SPATA31D1: variants seen among roughly 807,000 people sequenced by gnomAD.
The protein encoded by SPATA31D1 is SPATA31 subfamily D member 1, also known as spermatogenesis-associated protein 31D1.
SPATA31D1 carries 6 observed loss-of-function variants against 13.2 expected under a neutral mutation model. That is an observed-to-expected ratio of 0.46 (90% CI 0.25 to 0.90). The LOEUF (loss-of-function observed/expected upper bound fraction) is 0.90, where lower values mean the gene tolerates loss of function less well. Ranked by LOEUF, SPATA31D1 falls within the 40% of genes least tolerant of loss-of-function variation. The probability of loss-of-function intolerance (pLI) is 0.18; values close to 1 mark genes in which losing one functional copy is unlikely to be tolerated. For synonymous variants in SPATA31D1, 903 were observed against 718.8 expected (o/e 1.26, Z -4.10); for missense variants, 2,445 against 1,884.7 (o/e 1.30, Z -5.50).
upstream of SPATA31D1, chr9:81,988,641 A>G: frequency 1.1e-6 from 1 of 923,298 alleles, no homozygotes; most frequent in South Asian, 1.8e-5. Flanking sequence ...TAGAGGGCCC[A>G]GGAGAGTCAG....
chr9:81,995,092 C>G lies in SPATA31D1; in HGVS notation c.4622C>G (p.Ala1541Gly), dbSNP rs1303138187. 1.2e-6 allele frequency: 2 copies of G among 1,610,988 alleles called. No homozygotes were observed. Among genetic ancestry groups the G allele is most frequent in the South Asian group, 1.1e-5 (1 of 90,526 alleles). ...CRRQVSLVCP[A>G]VPTSAKSPVF... ...CGTCAGGTCAGCCTGGTGTGTCCAG[C>G]CGTCCCAACCAGTGCTAAAAGCCCT... Residue 1541 changes from alanine to glycine, a missense_variant, in exon 4 of 4, where the codon GCC (alanine) becomes GGC (glycine). Coordinates refer to ENST00000344803, the MANE Select transcript of SPATA31D1 (RefSeq NM_001001670.3).
At position 81,993,520 on chromosome 9, in the gene SPATA31D1, C is replaced by G; in HGVS notation, c.3050C>G (p.Ser1017Cys). 1 of 1,613,548 alleles carries G rather than the reference C, an allele frequency of 6.2e-7. No individual in the cohort carries two copies. Among genetic ancestry groups the G allele is most frequent in the Non-Finnish European group, 8.5e-7 (1 of 1,179,794 alleles). ...DTDHDLIETD[S>C]KDGASTSLRR... ...GACCATGACCTTATAGAGACAGATT[C>G]CAAAGACGGGGCCTCCACATCCCTT... The change falls in exon 4 of 4, where the codon TCC (serine) becomes TGC (cysteine). Residue 1017 changes from serine (S) to cysteine (C), a missense_variant. By Grantham distance (112) the Ser-to-Cys change is moderately radical (BLOSUM62 -1). Coordinates refer to ENST00000344803, the MANE Select transcript of SPATA31D1 (RefSeq NM_001001670.3).
In SPATA31D1 at chr9:81,992,515, AG is replaced by A. The variant is rs752509724; in HGVS notation, c.2047del (p.Val683Ter). The A allele has an allele frequency of 6.2e-7, 1 of 1,611,824 alleles. No individual in the cohort carries two copies. Among genetic ancestry groups the A allele is most frequent in the Non-Finnish European group, 8.5e-7 (1 of 1,179,730 alleles). On this transcript the variant is annotated frameshift_variant, in exon 4 of 4. Coordinates refer to ENST00000344803, the MANE Select transcript of SPATA31D1 (RefSeq NM_001001670.3). LOFTEE classifies it low-confidence loss of function (END_TRUNC). Reference protein sequence around the residue: ...IIPGDFPLSSEVRKKLEQHIR... With the variant: ...IIPGDFPLSSXVRKKLEQHIR... ...CCTGGAGATTTTCCACTCAGCTCTG[AG>A]GTAAGGAAGAAACTAGAGCAACACA...
In SPATA31D1 at chr9:81,988,896, C is replaced by T. The variant is rs1487227468; in HGVS notation, c.78C>T (p.Asp26=). Residue 26 remains aspartate (D), a synonymous_variant, in exon 1 of 4, where the codon GAC becomes GAT. Transcript: ENST00000344803. ...LSPDSHWLDI[D]PNFICLSGLG... Reference sequence around the variant, plus strand: ...CTGACTCACATTGGTTGGATATCGACCCCAACTTCATCTGCTTGAGTGGGT... The same window carrying T: ...CTGACTCACATTGGTTGGATATCGATCCCAACTTCATCTGCTTGAGTGGGT... 1 of 1,612,876 alleles carries T rather than the reference C, an allele frequency of 6.2e-7. No individual in the cohort carries two copies. Among genetic ancestry groups the T allele is most frequent in the Admixed American group, 1.7e-5 (1 of 60,002 alleles).
rs762302026 is a variant in SPATA31D1 at position 81,990,998 on chromosome 9, C to A, written c.528C>A (p.Pro176=). 6.2e-7 allele frequency: 1 copy of A among 1,613,780 alleles called. No individual in the cohort carries two copies. The highest frequency in any genetic ancestry group is 1.7e-5 in the Admixed American group (1 of 60,018). Residue 176 remains proline, a synonymous_variant, in exon 4 of 4, where the codon CCC becomes CCA. Coordinates refer to ENST00000344803, the MANE Select transcript of SPATA31D1 (RefSeq NM_001001670.3). ...CATCGTTCACTCTGGCTTCCACCCC[C>A]TCAGCAACCCCTCCAGAAGACCTAA... ...TESSFTLAST[P]SATPPEDLIL...
rs748537115 is a variant in SPATA31D1 at position 81,994,404 on chromosome 9, G to A, written c.3934G>A (p.Gly1312Arg). ...GCTTGATGGAGGGGATGCAGGGCTG[G>A]GGACATCCCAACGCAGGAGAAAGAG... ...GELDGGDAGL[G>R]TSQRRRKSLP... The change falls in exon 4 of 4, where the codon GGG becomes AGG. Residue 1312 changes from glycine (G) to arginine (R), a missense_variant. By Grantham distance (125) the Gly-to-Arg change is moderately radical. Coordinates refer to ENST00000344803, the MANE Select transcript of SPATA31D1 (RefSeq NM_001001670.3). The A allele has an allele frequency of 1.9e-6, 3 of 1,613,896 alleles. No homozygotes were observed. Among genetic ancestry groups the A allele is most frequent in the South Asian group, 1.1e-5 (1 of 91,082 alleles).
rs772624869 is a variant in SPATA31D1, at chr9:81,993,527, CG to C, written c.3061del (p.Ala1021ProfsTer17). Reference sequence around the variant, plus strand: ...ACCTTATAGAGACAGATTCCAAAGACGGGGCCTCCACATCCCTTAGAAGAGG... The same window carrying C: ...ACCTTATAGAGACAGATTCCAAAGACGGGCCTCCACATCCCTTAGAAGAGG... ...HDLIETDSKD[G>X]ASTSLRRGTT... On this transcript the variant is annotated frameshift_variant, in exon 4 of 4. Transcript: ENST00000344803. LOFTEE classifies it low-confidence loss of function (END_TRUNC). 2 of 1,613,570 alleles carry C rather than the reference CG, an allele frequency of 1.2e-6. No individual in the cohort carries two copies. Among genetic ancestry groups the C allele is most frequent in the African/African-American group, 2.7e-5 (2 of 74,894 alleles).
chr9:81,989,709 AAT>A (rs1824914484), intron 1 of SPATA31D1, 67 bp from the exon 2 acceptor site: 3 of 1,498,178 alleles, frequency 2.0e-6, no homozygotes, highest in African/African-American at 1.4e-5. Flanking sequence ...TGAATGAATG[AAT>A]GAATGAGCTT....
At position 81,992,884 on chromosome 9, in the gene SPATA31D1, T is replaced by C. The variant is rs1440067264; in HGVS notation, c.2414T>C (p.Leu805Pro). The change falls in exon 4 of 4, where the codon CTA becomes CCA. Residue 805 changes from leucine to proline, a missense_variant. Transcript: ENST00000344803. ...CTGAGGTCTAACTCTGAGAGAGACC[T>C]AGAAACTCATATGATGCATCTGTCA... The part of the protein sequence containing the change: ...KDLRSNSERD[L>P]ETHMMHLSGN... 8 of 1,613,826 alleles carry C rather than the reference T, an allele frequency of 5.0e-6. No homozygotes were observed. The highest frequency in any genetic ancestry group is 6.8e-6 in the Non-Finnish European group (8 of 1,179,728).
Position 81,994,879 on chromosome 9 carries a change from G to T in SPATA31D1, c.4409G>T (p.Arg1470Leu), listed in dbSNP as rs201259774. 4 of 1,613,804 alleles carry T rather than the reference G, an allele frequency of 2.5e-6. No individual in the cohort carries two copies. Among genetic ancestry groups the T allele is most frequent in the Admixed American group, 3.3e-5 (2 of 59,994 alleles). Residue 1470 changes from arginine to leucine, a missense_variant, in exon 4 of 4, where the codon CGT (arginine) becomes CTT (leucine). Transcript: ENST00000344803. Reference sequence around the variant, plus strand: ...AGGGCTCCCTCCTGCAAAGTGACACGTACCAAATCTTGCAGCCAACAAGCT... The same window carrying T: ...AGGGCTCCCTCCTGCAAAGTGACACTTACCAAATCTTGCAGCCAACAAGCT... ...NYRAPSCKVT[R>L]TKSCSQQAIF...
At position 81,990,316 on chromosome 9, in the gene SPATA31D1, T is replaced by C. The variant is rs372419407; in HGVS notation, c.233-101T>C. The C allele has an allele frequency of 8.9e-5, 72 of 806,232 alleles. No homozygotes were observed. In the African/African-American group the frequency reaches 1.1e-3, roughly 13 times the overall value. The allele number at this position is 806,232 out of a possible 1,614,324, so 49.9% of individuals were successfully genotyped here. On this transcript the variant is annotated intron_variant, in intron 2 of 3. Transcript: ENST00000344803. ...TGACTATTTTCCCTTTTCTACTGAT[T>C]CTTGGGGCTCTCAGAGTTTAATATC...
Position 81,992,431 on chromosome 9 carries a change from C to A in SPATA31D1, c.1961C>A (p.Ala654Asp), listed in dbSNP as rs141219530. The change falls in exon 4 of 4, where the codon GCT becomes GAT. Residue 654 changes from alanine to aspartate, a missense_variant. By Grantham distance (126) the Ala-to-Asp change is moderately radical. Coordinates refer to ENST00000344803, the MANE Select transcript of SPATA31D1 (RefSeq NM_001001670.3). ...QKSQEDFCPP[A>D]PNPELVRKSF... Reference sequence around the variant, plus strand: ...TCCCAGGAAGACTTTTGTCCTCCAGCTCCCAATCCTGAATTGGTCAGAAAG... The same window carrying A: ...TCCCAGGAAGACTTTTGTCCTCCAGATCCCAATCCTGAATTGGTCAGAAAG... The A allele has an allele frequency of 1.9e-6, 3 of 1,613,002 alleles. No homozygotes were observed. In the South Asian group the frequency reaches 3.3e-5, roughly 18 times the overall value.
At position 81,992,176 on chromosome 9, in the gene SPATA31D1, A is replaced by T. The variant is rs186419676; in HGVS notation, c.1706A>T (p.Gln569Leu). 1 of 1,613,500 alleles carries T rather than the reference A, an allele frequency of 6.2e-7. No homozygotes were observed. Among genetic ancestry groups the T allele is most frequent in the African/African-American group, 1.3e-5 (1 of 74,834 alleles). ...CTACCCTTGCCTCAAACCCTGCCCCAAGGTCAGTCCCCACATCTCACTCAG... is the reference window on the plus strand; with the variant it reads ...CTACCCTTGCCTCAAACCCTGCCCCTAGGTCAGTCCCCACATCTCACTCAG... ...QPLPLPQTLPQGQSPHLTQVK... is the reference protein window; with the variant it reads ...QPLPLPQTLPLGQSPHLTQVK... Residue 569 changes from glutamine (Q) to leucine (L), a missense_variant, in exon 4 of 4, where the codon CAA becomes CTA. Transcript: ENST00000344803.
chr9:81,992,439 C>A lies in SPATA31D1; in HGVS notation c.1969C>A (p.Pro657Thr). 1 of 1,612,838 alleles carries A rather than the reference C, an allele frequency of 6.2e-7. No individual in the cohort carries two copies. The highest frequency in any genetic ancestry group is 8.5e-7 in the Non-Finnish European group (1 of 1,179,738). Reference sequence around the variant, plus strand: ...AGACTTTTGTCCTCCAGCTCCCAATCCTGAATTGGTCAGAAAGTCCTTCAA... The same window carrying A: ...AGACTTTTGTCCTCCAGCTCCCAATACTGAATTGGTCAGAAAGTCCTTCAA... ...QEDFCPPAPN[P>T]ELVRKSFKVH... The change falls in exon 4 of 4, where the codon CCT becomes ACT. Residue 657 changes from proline (P) to threonine (T), a missense_variant. By Grantham distance (38) the Pro-to-Thr change is conservative. Transcript: ENST00000344803.
chr9:81,993,741 C>T lies in SPATA31D1; in HGVS notation c.3271C>T (p.Pro1091Ser). ...AGAGGATGGCAGACAGACTTTTCTG[C>T]CCCCGCCACACAGCATCGTAGACGA... is the stretch of plus-strand genomic sequence containing the variant. ...TTEDGRQTFL[P>S]PPHSIVDEVS... Residue 1091 changes from proline to serine, a missense_variant, in exon 4 of 4, where the codon CCC (proline) becomes TCC (serine). Physicochemically the swap from Pro to Ser is moderately conservative, Grantham distance 74. Coordinates refer to ENST00000344803, the MANE Select transcript of SPATA31D1 (RefSeq NM_001001670.3). The T allele has an allele frequency of 6.2e-7, 1 of 1,613,960 alleles. No homozygotes were observed. The highest frequency in any genetic ancestry group is 8.5e-7 in the Non-Finnish European group (1 of 1,179,878).
At position 81,994,199 on chromosome 9, in the gene SPATA31D1, C is replaced by A; in HGVS notation, c.3729C>A (p.Gly1243=). 1 of 1,614,036 alleles carries A rather than the reference C, an allele frequency of 6.2e-7. No homozygotes were observed. The highest frequency in any genetic ancestry group is 1.1e-5 in the South Asian group (1 of 91,090). The change falls in exon 4 of 4, where the codon GGC becomes GGA. Residue 1243 remains glycine, a synonymous_variant. Coordinates refer to ENST00000344803, the MANE Select transcript of SPATA31D1 (RefSeq NM_001001670.3). ...SSKDLLTNSQ[G]ISSGDMGTSQ... ...AGGACTTACTGACTAATTCCCAGGG[C>A]ATCTCGAGTGGGGACATGGGAACTT...
Position 81,991,059 on chromosome 9 carries a change from C to G in SPATA31D1, c.589C>G (p.Pro197Ala), listed in dbSNP as rs775216019. The change falls in exon 4 of 4, where the codon CCC becomes GCC. Residue 197 changes from proline to alanine, a missense_variant. Pro to Ala is a conservative substitution (Grantham distance 27). Transcript: ENST00000344803. ...SPRPKASPPP[P>A]LILSPDLITT... is the part of the protein sequence containing the mutation. ...TCGGCCTAAGGCCTCTCCACCACCC[C>G]CCTTAATTCTCTCACCTGACCTGAT... 6.8e-6 allele frequency: 11 copies of G among 1,613,622 alleles called. No individual in the cohort carries two copies. The highest frequency in any genetic ancestry group is 6.7e-5 in the Admixed American group (4 of 59,990).
At chr9:81,989,634 A>C (rs140960192) in intron 1 of SPATA31D1, 144 bp from the exon 2 acceptor site, 9,709 of 967,306 alleles carry the variant, frequency 0.01, 78 homozygotes, top group Non-Finnish European at 0.012. Flanking sequence ...CACCATTAAA[A>C]ATTGATAACA....
Position 81,992,265 on chromosome 9 carries a change from A to AT in SPATA31D1, c.1797dup (p.Arg600Ter), listed in dbSNP as rs1824987688. 2 of 1,613,596 alleles carry AT rather than the reference A, an allele frequency of 1.2e-6. 1 individual carries two copies. The highest frequency in any genetic ancestry group is 2.7e-5 in the African/African-American group (2 of 74,888). On this transcript the variant is annotated frameshift_variant, in exon 4 of 4. Transcript: ENST00000344803. LOFTEE classifies it low-confidence loss of function (END_TRUNC). ...CCTACTACCTAGTCCTCTATTCCTG[A>AT]TTAGGATCTGTGGAGTGTGTTTTCA...
Sources: allele counts gnomAD v4.1 joint callset, GRCh38; gene constraint gnomAD v4.1.1; transcripts MANE v1.5; gene names NCBI Gene and HGNC (gene_info 2026-07-23, HGNC 2026-07-21).